FHIP1A: variants seen among roughly 807,000 people sequenced by gnomAD.
FHIP1A encodes FHF complex subunit HOOK interacting protein 1A.
FHIP1A carries 61 observed loss-of-function variants against 88.6 expected under a neutral mutation model. The observed-to-expected ratio is 0.69, with a 90% confidence interval of 0.56 to 0.85. FHIP1A has a LOEUF of 0.85. Among genes scored for constraint, FHIP1A ranks in the 40% least tolerant of loss-of-function variants. FHIP1A has a pLI of 0.00. For synonymous variants in FHIP1A, 478 were observed against 496.0 expected (o/e 0.96, Z 0.48); for missense variants, 1,154 against 1,273.5 (o/e 0.91, Z 1.43).
chr4:151,414,287 G>T (rs1732800256), intron 1 of FHIP1A, among the ~76,000 whole-genome samples: 1 of 151,872 alleles, frequency 6.6e-6, no homozygotes, highest in African/African-American at 2.4e-5. Flanking sequence ...TCCTGACCTT[G>T]GGTGATCTGC....
intron 8 of FHIP1A, among the ~76,000 whole-genome samples, chr4:151,632,741 A>G (rs897511990): frequency 6.6e-6 from 1 of 152,122 alleles, no homozygotes; most frequent in Non-Finnish European, 1.5e-5. Flanking sequence ...GGGCCAAAGA[A>G]GAAATCACAA....
At chr4:151,634,658 C>T (rs190140530) in intron 8 of FHIP1A, among the ~76,000 whole-genome samples, 42 of 151,830 alleles carry the variant, frequency 2.8e-4, no homozygotes, top group Admixed American at 1.1e-3. Flanking sequence ...TAGGAAAGGA[C>T]GGTTTCATCA....
intron 10 of FHIP1A, among the ~76,000 whole-genome samples, chr4:151,647,334 C>T (rs1736837495): frequency 2.0e-5 from 3 of 152,170 alleles, no homozygotes. Flanking sequence ...AACCTTGGCC[C>T]TCTGGCAGGC....
intron 4 of FHIP1A, among the ~76,000 whole-genome samples, chr4:151,574,916 T>G (rs1393799594): frequency 2.0e-5 from 3 of 152,220 alleles, no homozygotes; most frequent in Non-Finnish European, 2.9e-5. Context: ...ATAGTATTTT[T>G]TTTTTCATTA....
intron 3 of FHIP1A, among the ~76,000 whole-genome samples, chr4:151,536,271 A>G (rs553797578): frequency 1.1e-4 from 17 of 152,232 alleles, no homozygotes; most frequent in Non-Finnish European, 2.2e-4. Flanking sequence ...TGACATTGAT[A>G]CAGTTCACAC....
chr4:151,585,987 A>T (rs927782461), intron 5 of FHIP1A, among the ~76,000 whole-genome samples: 3 of 151,910 alleles, frequency 2.0e-5, no homozygotes, highest in African/African-American at 7.3e-5. Context: ...TCTTGTCATC[A>T]CATCTAACTA....
intron 3 of FHIP1A, among the ~76,000 whole-genome samples, chr4:151,511,618 G>A (rs541473917): frequency 6.6e-6 from 1 of 152,196 alleles, no homozygotes; most frequent in Non-Finnish European, 1.5e-5. Context: ...AAAAAACGGC[G>A]CACCAGGAGA....
intron 2 of FHIP1A, among the ~76,000 whole-genome samples, chr4:151,481,185 A>G (rs1032631900): frequency 1.1e-4 from 16 of 152,054 alleles, no homozygotes; most frequent in Non-Finnish European, 2.2e-4. Context: ...TTGCATAAGT[A>G]GTTGTGATCA....
chr4:151,554,628 A>G (rs1417034960), intron 3 of FHIP1A, among the ~76,000 whole-genome samples: 1 of 152,130 alleles, frequency 6.6e-6, no homozygotes, highest in Non-Finnish European at 1.5e-5. Context: ...AAATTTTTGG[A>G]CATGTTCTAT....
chr4:151,523,317 G>A (rs1216456078), intron 3 of FHIP1A, among the ~76,000 whole-genome samples: 1 of 152,176 alleles, frequency 6.6e-6, no homozygotes, highest in African/African-American at 2.4e-5. Context: ...CATAGAGAAT[G>A]AGTCAAGTGA....
chr4:151,422,198 A>T (rs78455717), intron 1 of FHIP1A, among the ~76,000 whole-genome samples: 9,850 of 149,378 alleles, frequency 0.066, 534 homozygotes, highest in Non-Finnish European at 0.1. Flanking sequence ...GTTGACCATT[A>T]ACAAATATTT....
intron 1 of FHIP1A, among the ~76,000 whole-genome samples, chr4:151,421,009 G>T (rs759498279): frequency 6.6e-5 from 10 of 152,196 alleles, no homozygotes; most frequent in Non-Finnish European, 1.0e-4. Flanking sequence ...AAAAAAAATT[G>T]AGTCGCATTT....
intron 3 of FHIP1A, among the ~76,000 whole-genome samples, chr4:151,535,645 A>G (rs1461339859): frequency 2.0e-5 from 3 of 152,250 alleles, no homozygotes; most frequent in African/African-American, 7.2e-5. Context: ...CTTACTAACA[A>G]TCATTCAGAC....
intron 10 of FHIP1A, 147 bp from the exon 11 acceptor site, chr4:151,649,312 A>G: frequency 3.5e-6 from 2 of 573,224 alleles, no homozygotes; most frequent in South Asian, 2.5e-5. Flanking sequence ...CAATCTAACC[A>G]TATTATTCAG....
chr4:151,516,997 G>A (rs1731264647), intron 3 of FHIP1A, among the ~76,000 whole-genome samples: 1 of 152,146 alleles, frequency 6.6e-6, no homozygotes, highest in Non-Finnish European at 1.5e-5. Context: ...AAAGACACAT[G>A]CACACGTATG....
At chr4:151,417,046 A>G (rs1241222373) in intron 1 of FHIP1A, among the ~76,000 whole-genome samples, 2 of 152,112 alleles carry the variant, frequency 1.3e-5, no homozygotes, top group Non-Finnish European at 2.9e-5. Context: ...TGGCCTCCCA[A>G]AGTGCTAGTG....
chr4:151,480,802 T>G (rs1216815485), intron 2 of FHIP1A, among the ~76,000 whole-genome samples: 3 of 152,016 alleles, frequency 2.0e-5, no homozygotes, highest in Non-Finnish European at 2.9e-5. Context: ...TGTGCCTAGT[T>G]TTGAAGATTT....
intron 3 of FHIP1A, among the ~76,000 whole-genome samples, chr4:151,512,103 G>A (rs937610767): frequency 7.9e-5 from 12 of 152,204 alleles, no homozygotes; most frequent in Middle Eastern, 3.2e-3. Context: ...CCAGAGGAAC[G>A]ATCAGACAGC....
At chr4:151,608,232 A>G (rs1203328748) in intron 7 of FHIP1A, among the ~76,000 whole-genome samples, 2 of 150,942 alleles carry the variant, frequency 1.3e-5, no homozygotes, top group African/African-American at 2.4e-5. Context: ...TTTAGTGAAG[A>G]CAGAGTTTCA....
Sources: gnomAD v4.1 joint callset for allele counts (sites outside exome capture counted in the v4.1 genomes callset) on GRCh38, gnomAD v4.1.1 for gene constraint, MANE v1.5 for transcripts, NCBI Gene and HGNC (gene_info 2026-07-23, HGNC 2026-07-21) for gene names.